Variants in PTPRM observed in about 807,000 individuals in gnomAD.
PTPRM encodes protein tyrosine phosphatase receptor type M.
PTPRM carries 47 observed loss-of-function variants against 186.7 expected under a neutral mutation model. The ratio of observed to expected loss-of-function variants is 0.25; its 90% CI spans 0.20 to 0.32. PTPRM has a LOEUF of 0.32. PTPRM is among the 10% of genes least tolerant of loss of function. The pLI is 1.00. For synonymous variants in PTPRM, 668 were observed against 674.9 expected (o/e 0.99, Z 0.16); for missense variants, 1,494 against 1,865.0 (o/e 0.80, Z 3.66).
intron 20 of PTPRM, among the ~76,000 whole-genome samples, chr18:8,297,949 A>G (rs548014187): frequency 1.6e-4 from 25 of 152,116 alleles, no homozygotes; most frequent in Non-Finnish European, 1.5e-4. Context: ...AGGGTTGATT[A>G]CTCCTCAGTG....
At chr18:8,137,068 G>A (rs1600767516) in intron 13 of PTPRM, among the ~76,000 whole-genome samples, 1 of 152,282 alleles carries the variant, frequency 6.6e-6, no homozygotes, top group South Asian at 2.1e-4. Flanking sequence ...CGCACTTGAA[G>A]GAACAATATT....
intron 1 of PTPRM, among the ~76,000 whole-genome samples, chr18:7,586,946 C>T (rs2036994434): frequency 6.6e-6 from 1 of 152,096 alleles, no homozygotes; most frequent in African/African-American, 2.4e-5. Context: ...GAAACTTTAC[C>T]TCTTTAATTT....
intron 1 of PTPRM, among the ~76,000 whole-genome samples, chr18:7,587,237 A>G (rs899238804): frequency 2.6e-5 from 4 of 152,170 alleles, no homozygotes; most frequent in Non-Finnish European, 4.4e-5. Context: ...GAAATAGTTC[A>G]TTTATCTGTG....
At chr18:8,103,018 TA>T (rs1297608076) in intron 11 of PTPRM, among the ~76,000 whole-genome samples, 1 of 150,944 alleles carries the variant, frequency 6.6e-6, no homozygotes, top group Non-Finnish European at 1.5e-5. Context: ...CAGTAATATT[TA>T]GAAAGGAATC....
At chr18:7,886,958 C>G (rs1299382252) in intron 2 of PTPRM, among the ~76,000 whole-genome samples, 1 of 152,098 alleles carries the variant, frequency 6.6e-6, no homozygotes, top group Non-Finnish European at 1.5e-5. Context: ...GACAGAAATT[C>G]CATACATTTT....
chr18:8,379,371 G>A, intron 28 of PTPRM, 31 bp downstream of exon 28: 1 of 1,565,348 alleles, frequency 6.4e-7, no homozygotes, highest in Non-Finnish European at 8.7e-7. Flanking sequence ...ACGGGTCCGA[G>A]GCTGGGGTGT....
intron 1 of PTPRM, among the ~76,000 whole-genome samples, chr18:7,737,774 C>T (rs1347617845): frequency 6.6e-6 from 1 of 152,138 alleles, no homozygotes. Context: ...GAGAATCTGG[C>T]ATTCTCAGCA....
intron 19 of PTPRM, among the ~76,000 whole-genome samples, chr18:8,287,567 G>A (rs2094970839): frequency 2.0e-5 from 3 of 152,206 alleles, no homozygotes; most frequent in African/African-American, 7.2e-5. Context: ...GGGAGCAGCT[G>A]AATTTCCACA....
intron 14 of PTPRM, among the ~76,000 whole-genome samples, chr18:8,227,693 T>C (rs2094231581): frequency 6.6e-6 from 1 of 152,228 alleles, no homozygotes; most frequent in Non-Finnish European, 1.5e-5. Flanking sequence ...ATGACATGCA[T>C]TAAAAATTCT....
chr18:7,825,053 G>A (rs892813568), intron 2 of PTPRM, among the ~76,000 whole-genome samples: 11 of 152,140 alleles, frequency 7.2e-5, no homozygotes, highest in Admixed American at 3.9e-4. Flanking sequence ...GGCTTGCTGC[G>A]TTTCATGTGC....
At chr18:7,683,775 G>A (rs1227452438) in intron 1 of PTPRM, among the ~76,000 whole-genome samples, 3 of 152,082 alleles carry the variant, frequency 2.0e-5, no homozygotes, top group Admixed American at 6.6e-5. Flanking sequence ...TGAAGTGAGC[G>A]GGCTTGCTAT....
intron 1 of PTPRM, among the ~76,000 whole-genome samples, chr18:7,632,775 A>G (rs1371405015): frequency 6.6e-6 from 1 of 152,218 alleles, no homozygotes; most frequent in Non-Finnish European, 1.5e-5. Context: ...TCTCTCAGCA[A>G]AGCTACGTGC....
chr18:8,235,946 GA>G (rs1376674481), intron 14 of PTPRM, among the ~76,000 whole-genome samples: 8 of 152,102 alleles, frequency 5.3e-5, no homozygotes, highest in Non-Finnish European at 1.2e-4. Context: ...GACACCGTAT[GA>G]TTTCTATTCT....
chr18:7,989,655 T>C (rs1002796772), intron 7 of PTPRM, among the ~76,000 whole-genome samples: 8 of 152,076 alleles, frequency 5.3e-5, no homozygotes, highest in African/African-American at 1.7e-4. Flanking sequence ...CATAGCCAAT[T>C]CTTCTTGGTT....
At chr18:7,836,977 A>C (rs1204463565) in intron 2 of PTPRM, among the ~76,000 whole-genome samples, 1 of 152,228 alleles carries the variant, frequency 6.6e-6, no homozygotes, top group Non-Finnish European at 1.5e-5. Context: ...CTTTGGGTTA[A>C]ATCTGCTTTT....
intron 23 of PTPRM, among the ~76,000 whole-genome samples, chr18:8,359,762 T>C (rs912497224): frequency 6.6e-6 from 1 of 152,092 alleles, no homozygotes; most frequent in Non-Finnish European, 1.5e-5. Flanking sequence ...ACAGCTGGAG[T>C]TTCCCGGCAC....
At chr18:7,998,509 A>G (rs919394932) in intron 7 of PTPRM, among the ~76,000 whole-genome samples, 18 of 152,208 alleles carry the variant, frequency 1.2e-4, no homozygotes, top group African/African-American at 4.3e-4. Flanking sequence ...AAAACATGAC[A>G]CTATTAAAAG....
At chr18:8,180,476 G>A (rs537173810) in intron 14 of PTPRM, among the ~76,000 whole-genome samples, 27 of 152,158 alleles carry the variant, frequency 1.8e-4, no homozygotes, top group Non-Finnish European at 3.5e-4. Flanking sequence ...GGGTCAAGCG[G>A]GCAACTTGAG....
chr18:7,637,179 A>C (rs1001680007), intron 1 of PTPRM, among the ~76,000 whole-genome samples: 1 of 151,868 alleles, frequency 6.6e-6, no homozygotes, highest in Non-Finnish European at 1.5e-5. Flanking sequence ...AAAAAAAAAA[A>C]AAAAAAACAG....
Sources: gnomAD v4.1 joint callset for allele counts (sites outside exome capture counted in the v4.1 genomes callset) on GRCh38, gnomAD v4.1.1 for gene constraint, MANE v1.5 for transcripts, NCBI Gene and HGNC (gene_info 2026-07-23, HGNC 2026-07-21) for gene names.